PAPPA2: variants seen among roughly 807,000 people sequenced by gnomAD.
The protein encoded by PAPPA2 is pappalysin 2.
In PAPPA2, 86 loss-of-function variants were observed where a neutral mutation model predicts 176.4. That is an observed-to-expected ratio of 0.49 (90% confidence interval 0.41 to 0.58). The LOEUF is 0.58. Ranked by LOEUF, PAPPA2 falls within the 20% of genes least tolerant of loss-of-function variation. PAPPA2 has a pLI of 0.00. For synonymous variants in PAPPA2, 809 were observed against 852.2 expected (o/e 0.95, Z 0.88); for missense variants, 2,073 against 2,256.9 (o/e 0.92, Z 1.65).
Position 176,617,205 on chromosome 1 carries a change from A to G in PAPPA2, c.1991+21610A>G, listed in dbSNP as rs574102484. On this transcript the variant is annotated intron_variant, in intron 3 of 22. Transcript: ENST00000367662. ...ATCTTCACTGCCCTTCAGAAACTCA[A>G]TGTGTGACCAAGAACACCACAGAAC... Among the ~76,000 whole-genome samples the G allele has an allele frequency of 5.9e-5, 9 of 152,266 alleles. No homozygotes were observed. The South Asian group carries it at 6.2e-4, about 11-fold the overall frequency.
chr1:176,497,594 G>A (rs745891344), intron 1 of PAPPA2, among the ~76,000 whole-genome samples: 1 of 152,008 alleles, frequency 6.6e-6, no homozygotes, highest in Non-Finnish European at 1.5e-5. Flanking sequence ...GAAATTGAGA[G>A]TTTTCACACA....
At chr1:176,829,529 G>A (rs1252352798) in intron 21 of PAPPA2, among the ~76,000 whole-genome samples, 1 of 152,200 alleles carries the variant, frequency 6.6e-6, no homozygotes, top group Non-Finnish European at 1.5e-5. Context: ...GCCTGCCTCA[G>A]CCTCCCATGA....
intron 3 of PAPPA2, among the ~76,000 whole-genome samples, chr1:176,625,625 C>T (rs1302200725): frequency 6.6e-6 from 1 of 152,182 alleles, no homozygotes; most frequent in Non-Finnish European, 1.5e-5. Context: ...AATTTCTCAT[C>T]CCACTGGCAT....
intron 2 of PAPPA2, among the ~76,000 whole-genome samples, chr1:176,582,412 T>C (rs1482103694): frequency 1.3e-5 from 2 of 152,198 alleles, no homozygotes; most frequent in African/African-American, 4.8e-5. Flanking sequence ...GAGAAAACGC[T>C]TTTTGCTTTT....
intron 2 of PAPPA2, among the ~76,000 whole-genome samples, chr1:176,581,227 C>T (rs745625787): frequency 4.6e-5 from 7 of 152,124 alleles, no homozygotes; most frequent in East Asian, 1.9e-4. Context: ...TTTTCCCTTC[C>T]GCAATCAATG....
intron 21 of PAPPA2, among the ~76,000 whole-genome samples, chr1:176,825,430 T>A (rs1037307150): frequency 6.6e-6 from 1 of 152,238 alleles, no homozygotes; most frequent in African/African-American, 2.4e-5. Flanking sequence ...TATTCTTTTA[T>A]CTTTTATTTA....
intron 12 of PAPPA2, among the ~76,000 whole-genome samples, chr1:176,726,340 A>G (rs1661874126): frequency 6.6e-6 from 1 of 152,166 alleles, no homozygotes; most frequent in African/African-American, 2.4e-5. Context: ...TTGTTTACCT[A>G]TCTCTTCATC....
chr1:176,469,112 C>T lies in PAPPA2; in HGVS notation c.-917+5694C>T, dbSNP rs10913180. 5.3e-3 allele frequency among the ~76,000 whole-genome samples: 810 copies of T among 152,302 alleles called. 7 individuals are homozygous for T. Among genetic ancestry groups the T allele is most frequent in the African/African-American group, 0.019 (769 of 41,564 alleles). On this transcript the variant is annotated intron_variant, in intron 1 of 22. Transcript: ENST00000367662. ...CAGTCGCTTGCATGGTGGCAGCCAA[C>T]GTGAAAGGAAGAGCATTGGTCTCAA...
Position 176,840,213 on chromosome 1 carries a change from G to A in PAPPA2, c.5243G>A (p.Arg1748Gln), listed in dbSNP as rs1667433056. The A allele has an allele frequency of 3.1e-6, 5 of 1,613,318 alleles. No homozygotes were observed. Among genetic ancestry groups the A allele is most frequent in the African/African-American group, 1.3e-5 (1 of 74,828 alleles). The change falls in exon 22 of 23, where the codon CGA becomes CAA. Residue 1748 changes from arginine to glutamine, a missense_variant. Transcript: ENST00000367662. Reference protein sequence around the residue: ...ADGWCDTINNRAYCHYDGGDC... With the variant: ...ADGWCDTINNQAYCHYDGGDC... Reference sequence around the variant, plus strand: ...GGTTGGTGTGACACTATCAACAACCGAGCCTACTGCCACTATGACGGGGGA... The same window carrying A: ...GGTTGGTGTGACACTATCAACAACCAAGCCTACTGCCACTATGACGGGGGA...
chr1:176,723,708 A>AT (rs1452457386), intron 12 of PAPPA2, among the ~76,000 whole-genome samples: 9 of 152,260 alleles, frequency 5.9e-5, no homozygotes, highest in African/African-American at 2.2e-4. Context: ...AAATTCTATC[A>AT]TTTTAGTCTA....
chr1:176,731,535 C>A (rs1662142132), intron 12 of PAPPA2, among the ~76,000 whole-genome samples: 1 of 151,954 alleles, frequency 6.6e-6, no homozygotes, highest in Admixed American at 6.6e-5. Context: ...TGGTCTCAAA[C>A]TCCTGACCTC....
At chr1:176,605,697 G>T (rs1011461424) in intron 3 of PAPPA2, among the ~76,000 whole-genome samples, 1 of 152,150 alleles carries the variant, frequency 6.6e-6, no homozygotes, top group African/African-American at 2.4e-5. Context: ...ATCTTTACAT[G>T]TTAGTTCGGA....
intron 1 of PAPPA2, among the ~76,000 whole-genome samples, chr1:176,472,760 A>G (rs1324331589): frequency 6.6e-6 from 1 of 152,168 alleles, no homozygotes; most frequent in Non-Finnish European, 1.5e-5. Flanking sequence ...GAACATTAAT[A>G]TTAGTAGTAC....
At chr1:176,545,164 G>T (rs1558427095) in intron 1 of PAPPA2, among the ~76,000 whole-genome samples, 1 of 152,074 alleles carries the variant, frequency 6.6e-6, no homozygotes. Flanking sequence ...CCATATGGCT[G>T]GTTTCCCTTA....
chr1:176,812,169 C>A (rs1666177088), intron 21 of PAPPA2, among the ~76,000 whole-genome samples: 1 of 151,696 alleles, frequency 6.6e-6, no homozygotes, highest in Non-Finnish European at 1.5e-5. Flanking sequence ...CCTTTTTCCT[C>A]CCACTCCACC....
At chr1:176,691,551 T>C (rs1334177295) in intron 5 of PAPPA2, among the ~76,000 whole-genome samples, 2 of 152,218 alleles carry the variant, frequency 1.3e-5, no homozygotes, top group Non-Finnish European at 2.9e-5. Flanking sequence ...AGTATTTGAC[T>C]GGTGTGCTTT....
intron 7 of PAPPA2, among the ~76,000 whole-genome samples, chr1:176,698,614 G>T (rs997249431): frequency 1.3e-5 from 2 of 152,088 alleles, no homozygotes; most frequent in African/African-American, 4.8e-5. Context: ...TTTAAAGTTC[G>T]TCTAACCATC....
chr1:176,750,034 A>G (rs1319051066), intron 14 of PAPPA2, among the ~76,000 whole-genome samples: 2 of 152,216 alleles, frequency 1.3e-5, no homozygotes, highest in African/African-American at 4.8e-5. Context: ...GAGGATATTT[A>G]GTTTTATATG....
At position 176,695,966 on chromosome 1, in the gene PAPPA2, ATGTGTGTGTGTGTGTGTG is replaced by A. The variant is rs67178111; in HGVS notation, c.2746+131_2746+148del. The A allele has an allele frequency of 1.5e-3, 1,268 of 865,066 alleles. 3 individuals are homozygous for A. Among genetic ancestry groups the A allele is most frequent in the Non-Finnish European group, 1.8e-3 (1,051 of 575,798 alleles). The allele number at this position is 865,066 out of a possible 1,614,324, so 53.6% of individuals were successfully genotyped here. ...GGTGACAAAAAGGCAATGTATGTGT[ATGTGTGTGTGTGTGTGTG>A]TGTGTGTGTGTGTGTGTGTGTGTTT... On this transcript the variant is annotated intron_variant, in intron 7 of 22. Coordinates refer to ENST00000367662, the MANE Select transcript of PAPPA2 (RefSeq NM_020318.3).
Sources: gnomAD v4.1 joint callset for allele counts (sites outside exome capture counted in the v4.1 genomes callset) on GRCh38, gnomAD v4.1.1 for gene constraint, MANE v1.5 for transcripts, NCBI Gene and HGNC (gene_info 2026-07-23, HGNC 2026-07-21) for gene names.